The following ZMYM6 variants were observed in gnomAD, a reference collection of about 807,000 sequenced individuals.
ZMYM6 encodes the protein zinc finger MYM-type containing 6.
A neutral mutation model predicts 134.0 loss-of-function variants in ZMYM6; 90 were observed. The ratio of observed to expected loss-of-function variants is 0.67; its 90% CI spans 0.57 to 0.80. ZMYM6 has a LOEUF of 0.80. Ranked by LOEUF, ZMYM6 falls within the 30% of genes least tolerant of loss-of-function variation. The pLI is 0.00. For missense variants in ZMYM6, 1,362 were observed against 1,533.9 expected, an observed-to-expected ratio of 0.89 and a Z score of 1.87; for synonymous variants, 481 against 524.1, an observed-to-expected ratio of 0.92 and a Z score of 1.12.
intron 4 of ZMYM6, chr1:35,017,369 T>A (rs972653670): frequency 6.6e-6 from 1 of 152,352 alleles, no homozygotes; most frequent in Admixed American, 6.5e-5. Flanking sequence ...AAAAGTGATT[T>A]TTCTACTGAA....
chr1:35,005,108 A>T, intron 13 of ZMYM6, 24 bp downstream of exon 13: 1 of 1,613,350 alleles, frequency 6.2e-7, no homozygotes, highest in East Asian at 2.2e-5. Flanking sequence ...TGGCTTAGCC[A>T]AATGCCATTA....
At chr1:35,030,975 T>C (rs1450081422) in intron 1 of ZMYM6, among the ~76,000 whole-genome samples, 1 of 152,188 alleles carries the variant, frequency 6.6e-6, no homozygotes, top group Non-Finnish European at 1.5e-5. Context: ...TTGAAGGTTA[T>C]TGAAGGGAAT....
At chr1:35,021,119 T>A (rs867155573) in intron 2 of ZMYM6, among the ~76,000 whole-genome samples, 148 of 89,824 alleles carry the variant, frequency 1.6e-3, no homozygotes, top group East Asian at 0.014. Context: ...AAAAAAAAAA[T>A]TTTTTTTTTT....
At chr1:35,004,699 G>A (rs773172317) in intron 13 of ZMYM6, among the ~76,000 whole-genome samples, 7 of 152,104 alleles carry the variant, frequency 4.6e-5, no homozygotes, top group Non-Finnish European at 1.0e-4. Flanking sequence ...CCCCTGAGGC[G>A]GGGGTGGGGA....
chr1:35,015,118 T>C lies in ZMYM6; in HGVS notation c.473A>G (p.Asn158Ser). 6.2e-7 allele frequency: 1 copy of C among 1,612,532 alleles called. No homozygotes were observed. ...PKDVITTRFE[N>S]SYPSKDFCSQ... ...GCAGAAATCTTTGCTAGGATAGGAA[T>C]TCTCAAAGCGAGTTGTGATCACATC... The change falls in exon 5 of 16, where the codon AAT (asparagine) becomes AGT (serine). Residue 158 changes from asparagine to serine, a missense_variant. By Grantham distance (46) the Asn-to-Ser change is conservative. Transcript: ENST00000357182.
Position 35,007,028 on chromosome 1 carries a change from T to C in ZMYM6, c.1736A>G (p.Lys579Arg). 6.2e-7 allele frequency: 1 copy of C among 1,613,746 alleles called. No homozygotes were observed. Among genetic ancestry groups the C allele is most frequent in the Admixed American group, 1.7e-5 (1 of 59,954 alleles). ...GACACAAAATAGGTTACAGAAATGT[T>C]TAATGTTGCCTCGCCACTTTATGGA... ...SESIKWRGNI[K>R]HFCNLFCVLE... The change falls in exon 12 of 16, where the codon AAA becomes AGA. Residue 579 changes from lysine (K) to arginine (R), a missense_variant. Lys to Arg is a conservative substitution (Grantham distance 26). This residue lies in a region of ZMYM6 where 824 missense variants were observed against 940.9 expected (regional missense o/e 0.88). Coordinates refer to ENST00000357182, the MANE Select transcript of ZMYM6 (RefSeq NM_007167.4).
At chr1:35,003,443 T>C (rs1640914763) in intron 14 of ZMYM6, among the ~76,000 whole-genome samples, 1 of 152,230 alleles carries the variant, frequency 6.6e-6, no homozygotes, top group African/African-American at 2.4e-5. Context: ...AATATATTTT[T>C]ACTTTGCACT....
chr1:35,012,022 T>C lies in ZMYM6; in HGVS notation c.947-17A>G. ...CCTGGACACCTTGGTGACAAAAAAT[T>C]AAAAACAATGATTAAGTTATACCAA... On this transcript the variant is annotated splice_polypyrimidine_tract_variant and intron_variant, in intron 7 of 15. Transcript: ENST00000357182. 2 of 1,501,188 alleles carry C rather than the reference T, an allele frequency of 1.3e-6. No individual in the cohort carries two copies. Among genetic ancestry groups the C allele is most frequent in the South Asian group, 1.2e-5 (1 of 82,962 alleles). 93.0% of individuals were successfully genotyped at this position (1,501,188 alleles called of 1,614,324 possible).
chr1:35,007,394 G>A (rs1018826335), intron 11 of ZMYM6, among the ~76,000 whole-genome samples: 4 of 151,990 alleles, frequency 2.6e-5, no homozygotes, highest in African/African-American at 9.7e-5. Context: ...TTCAAGACCA[G>A]CCTGACCAAC....
intron 10 of ZMYM6, among the ~76,000 whole-genome samples, chr1:35,010,048 C>T (rs777236781): frequency 1.3e-5 from 2 of 151,938 alleles, no homozygotes; most frequent in African/African-American, 4.8e-5. Flanking sequence ...TTTCGCTCGT[C>T]GCCCAGGCTG....
chr1:35,020,672 A>G (rs1327064484), intron 2 of ZMYM6, among the ~76,000 whole-genome samples: 1 of 149,504 alleles, frequency 6.7e-6, no homozygotes, highest in Non-Finnish European at 1.5e-5. Context: ...TCCCAGGTTC[A>G]AGCGATTCTT....
At chr1:35,007,184 A>C (rs1421082751) in intron 11 of ZMYM6, 86 bp from the exon 12 acceptor site, 4 of 1,380,008 alleles carry the variant, frequency 2.9e-6, no homozygotes, top group Non-Finnish European at 3.9e-6. Flanking sequence ...GGACTACGAA[A>C]ACAGGATATA....
chr1:35,019,955 C>T (rs1641275130), intron 3 of ZMYM6, among the ~76,000 whole-genome samples: 1 of 152,120 alleles, frequency 6.6e-6, no homozygotes, highest in South Asian at 2.1e-4. Flanking sequence ...CAGGTGTTAG[C>T]CACTAAACCC....
chr1:35,020,298 A>G (rs1569788499), intron 3 of ZMYM6, 85 bp downstream of exon 3: 2 of 1,214,038 alleles, frequency 1.6e-6, no homozygotes, highest in East Asian at 4.8e-5. Flanking sequence ...AGAGAAAGAC[A>G]TACATGAAAA....
intron 2 of ZMYM6, among the ~76,000 whole-genome samples, chr1:35,029,728 C>T (rs1270564752): frequency 5.9e-5 from 9 of 152,146 alleles, no homozygotes; most frequent in Non-Finnish European, 1.2e-4. Flanking sequence ...TACCCTTTGC[C>T]TAATCAATTC....
intron 6 of ZMYM6, among the ~76,000 whole-genome samples, chr1:35,013,996 AT>A (rs1641138522): frequency 6.6e-6 from 1 of 152,180 alleles, no homozygotes; most frequent in Admixed American, 6.5e-5. Flanking sequence ...GCCTTACAAG[AT>A]ACTTCTTTAA....
rs201365292 is a variant in ZMYM6 at position 35,007,058 on chromosome 1, C to G, written c.1706G>C (p.Ser569Thr). 647 of 1,609,976 alleles carry G rather than the reference C, an allele frequency of 4.0e-4. No individual in the cohort carries two copies. Among genetic ancestry groups the G allele is most frequent in the Non-Finnish European group, 5.2e-4 (618 of 1,178,154 alleles). ...CDGCKRQGKL[S>T]ESIKWRGNIK... is the part of the protein sequence containing the mutation. ...GTTGCCTCGCCACTTTATGGACTCG[C>G]TTAGTTTACCCTGTCGTTTACAACC... The change falls in exon 12 of 16, where the codon AGC (serine) becomes ACC (threonine). Residue 569 changes from serine (S) to threonine (T), a missense_variant. This residue lies in a region of ZMYM6 where 824 missense variants were observed against 940.9 expected (regional missense o/e 0.88). Coordinates refer to ENST00000357182, the MANE Select transcript of ZMYM6 (RefSeq NM_007167.4).
chr1:34,998,335 G>A (rs72907593), intron 14 of ZMYM6, among the ~76,000 whole-genome samples: 5,644 of 152,158 alleles, frequency 0.037, 338 homozygotes, highest in African/African-American at 0.13. Context: ...CTGTCTATTC[G>A]TGCACCAGTA....
chr1:34,998,012 G>A (rs1040055645), intron 14 of ZMYM6, among the ~76,000 whole-genome samples: 2 of 152,156 alleles, frequency 1.3e-5, no homozygotes, highest in Admixed American at 1.3e-4. Flanking sequence ...CAGGTGCTGT[G>A]GCTCATGCCT....
Sources: gnomAD v4.1 joint callset for allele counts (sites outside exome capture counted in the v4.1 genomes callset) on GRCh38, gnomAD v4.1.1 for gene constraint, gnomAD v4.1.1 regional missense constraint, MANE v1.5 for transcripts, NCBI Gene and HGNC (gene_info 2026-07-23, HGNC 2026-07-21) for gene names.